BMP5: variants seen among roughly 807,000 people sequenced by gnomAD.
The protein encoded by BMP5 is bone morphogenetic protein 5.
A neutral mutation model predicts 46.6 loss-of-function variants in BMP5; 23 were observed. The ratio of observed to expected loss-of-function variants is 0.49; its 90% CI spans 0.35 to 0.70. The LOEUF (loss-of-function observed/expected upper bound fraction) is 0.70. Ranked by LOEUF, BMP5 falls within the 30% of genes least tolerant of loss-of-function variation. The pLI is 0.00. For missense variants in BMP5, 545 were observed against 565.6 expected (o/e 0.96, Z 0.37); for synonymous variants, 204 against 191.9 (o/e 1.06, Z -0.52).
chr6:55,854,079 C>T (rs914813625), intron 1 of BMP5, among the ~76,000 whole-genome samples: 1 of 152,056 alleles, frequency 6.6e-6, no homozygotes, highest in East Asian at 1.9e-4. Flanking sequence ...TGACAGACTG[C>T]ATTATAATTT....
At chr6:55,802,770 AC>A (rs1445315142) in intron 2 of BMP5, among the ~76,000 whole-genome samples, 1 of 151,342 alleles carries the variant, frequency 6.6e-6, no homozygotes, top group Non-Finnish European at 1.5e-5. Context: ...AACCACAAGT[AC>A]TTTTGCACCT....
At chr6:55,846,783 T>C (rs1043818079) in intron 1 of BMP5, among the ~76,000 whole-genome samples, 5 of 151,624 alleles carry the variant, frequency 3.3e-5, no homozygotes, top group Non-Finnish European at 7.4e-5. Flanking sequence ...ATTTGTATTG[T>C]TTTATCCACC....
intron 3 of BMP5, among the ~76,000 whole-genome samples, chr6:55,778,244 A>T (rs1348347808): frequency 5.3e-5 from 8 of 151,894 alleles, no homozygotes; most frequent in Non-Finnish European, 7.4e-5. Context: ...TGCTAAATGG[A>T]TGGGGTGGTA....
At chr6:55,842,830 T>C (rs750876823) in intron 1 of BMP5, among the ~76,000 whole-genome samples, 1 of 152,148 alleles carries the variant, frequency 6.6e-6, no homozygotes, top group Admixed American at 6.6e-5. Flanking sequence ...TTTGAAGGTA[T>C]AAGTCTAAAA....
At chr6:55,784,064 C>A (rs1232685411) in intron 3 of BMP5, among the ~76,000 whole-genome samples, 1 of 151,786 alleles carries the variant, frequency 6.6e-6, no homozygotes. Flanking sequence ...AACCATATGG[C>A]TCTCATTCAA....
chr6:55,853,006 T>C (rs2127550397), intron 1 of BMP5, among the ~76,000 whole-genome samples: 1 of 151,988 alleles, frequency 6.6e-6, no homozygotes, highest in South Asian at 2.1e-4. Context: ...GGTGCCCGCC[T>C]GTAGTCCCAG....
chr6:55,783,607 G>C (rs1775378044), intron 3 of BMP5, among the ~76,000 whole-genome samples: 1 of 151,824 alleles, frequency 6.6e-6, no homozygotes, highest in Non-Finnish European at 1.5e-5. Context: ...AACTTAAGTA[G>C]AAAGAAAAGA....
At chr6:55,842,201 G>C (rs1300842701) in intron 1 of BMP5, among the ~76,000 whole-genome samples, 1 of 152,102 alleles carries the variant, frequency 6.6e-6, no homozygotes, top group Non-Finnish European at 1.5e-5. Context: ...AATTCATTTT[G>C]TGATTTCTTA....
At chr6:55,852,108 A>G (rs552389627) in intron 1 of BMP5, among the ~76,000 whole-genome samples, 4 of 152,266 alleles carry the variant, frequency 2.6e-5, no homozygotes, top group Admixed American at 2.6e-4. Flanking sequence ...TCATGATATT[A>G]AAATCTATCC....
intron 3 of BMP5, 86 bp from the exon 4 acceptor site, chr6:55,774,329 G>T (rs1775120414): frequency 2.2e-5 from 29 of 1,327,742 alleles, no homozygotes; most frequent in Non-Finnish European, 3.1e-5. Flanking sequence ...ACTTTGAAAA[G>T]GGGAAAAGTT....
chr6:55,778,836 T>C (rs1775240455), intron 3 of BMP5, among the ~76,000 whole-genome samples: 1 of 152,052 alleles, frequency 6.6e-6, no homozygotes. Context: ...TTTGTCATAA[T>C]TGGGGCTGGA....
intron 1 of BMP5, among the ~76,000 whole-genome samples, chr6:55,839,832 C>T (rs1432226259): frequency 6.6e-6 from 1 of 151,948 alleles, no homozygotes; most frequent in African/African-American, 2.4e-5. Flanking sequence ...ATTCATATAC[C>T]TATAACAGGA....
In BMP5 at chr6:55,784,049, A is replaced by C. The variant is rs16887166; in HGVS notation, c.833-9806T>G. Among the ~76,000 whole-genome samples, 189 of 152,052 alleles carry C rather than the reference A, an allele frequency of 1.2e-3. 2 individuals carry two copies. Among genetic ancestry groups the C allele is most frequent in the Non-Finnish European group, 2.2e-3 (150 of 67,880 alleles). On this transcript the variant is annotated intron_variant, in intron 3 of 6. Transcript: ENST00000370830. ...ATGCTGAACTTTGGATAAGCAAACT[A>C]TGTTAACCATATGGCTCTCATTCAA...
intron 2 of BMP5, among the ~76,000 whole-genome samples, chr6:55,801,403 C>T (rs866019453): frequency 1.1e-4 from 16 of 152,258 alleles, no homozygotes; most frequent in Admixed American, 5.2e-4. Context: ...AAGGACTTGG[C>T]GGCTAGAAAG....
chr6:55,808,619 C>A (rs886092163), intron 2 of BMP5, among the ~76,000 whole-genome samples: 11 of 152,194 alleles, frequency 7.2e-5, no homozygotes, highest in African/African-American at 1.9e-4. Flanking sequence ...CACGTGGGAT[C>A]TTCCAATCTG....
intron 3 of BMP5, among the ~76,000 whole-genome samples, chr6:55,775,922 A>G (rs1775163008): frequency 6.6e-6 from 1 of 151,558 alleles, no homozygotes; most frequent in African/African-American, 2.4e-5. Context: ...ATTGGTTGAA[A>G]AAAAAAAAAA....
chr6:55,832,689 G>C (rs73448103), intron 1 of BMP5, among the ~76,000 whole-genome samples: 2 of 152,102 alleles, frequency 1.3e-5, no homozygotes, highest in African/African-American at 4.8e-5. Flanking sequence ...CCACATCAAT[G>C]CCTCCTATTA....
At chr6:55,777,329 C>G (rs1390985300) in intron 3 of BMP5, among the ~76,000 whole-genome samples, 2 of 151,798 alleles carry the variant, frequency 1.3e-5, no homozygotes, top group Non-Finnish European at 2.9e-5. Flanking sequence ...TATTATTAAA[C>G]ATACAGTATG....
chr6:55,864,192 T>C (rs772129227), intron 1 of BMP5, among the ~76,000 whole-genome samples: 21 of 152,196 alleles, frequency 1.4e-4, no homozygotes, highest in Non-Finnish European at 2.5e-4. Flanking sequence ...GTACTTATTT[T>C]AATAACTACC....
Sources: gnomAD v4.1 joint callset for allele counts (sites outside exome capture counted in the v4.1 genomes callset) on GRCh38, gnomAD v4.1.1 for gene constraint, MANE v1.5 for transcripts, NCBI Gene and HGNC (gene_info 2026-07-23, HGNC 2026-07-21) for gene names.